The following CIZ1 variants were observed in gnomAD, a reference collection of about 807,000 sequenced individuals.
CIZ1 encodes cip1-interacting zinc finger protein.
In CIZ1, 58 loss-of-function variants were observed where a neutral mutation model predicts 118.6. The observed-to-expected ratio is 0.49, with a 90% CI of 0.40 to 0.61. The LOEUF is 0.61. Ranked by LOEUF, CIZ1 falls within the 20% of genes least tolerant of loss-of-function variation. CIZ1 has a pLI of 0.00. For missense variants in CIZ1, 921 were observed against 1,115.9 expected (o/e 0.83, Z 2.49); for synonymous variants, 448 against 443.4 (o/e 1.01, Z -0.13).
chr9:128,187,731 A>T (rs1203701861), intron 4 of CIZ1, 132 bp downstream of exon 4: 4 of 320,910 alleles, frequency 1.2e-5, no homozygotes, highest in African/African-American at 2.2e-5. Flanking sequence ...TGTTCAACAG[A>T]CAAATATAAA....
At chr9:128,199,573 T>C (rs1489551074) in intron 1 of CIZ1, among the ~76,000 whole-genome samples, 1 of 151,934 alleles carries the variant, frequency 6.6e-6, no homozygotes, top group Non-Finnish European at 1.5e-5. Flanking sequence ...GGCATGGTGG[T>C]GTGCACTTGT....
intron 10 of CIZ1, 141 bp from the exon 11 acceptor site, chr9:128,176,616 G>A: frequency 2.3e-6 from 2 of 866,814 alleles, no homozygotes; most frequent in Non-Finnish European, 3.4e-6. Context: ...GTGTAGGCTA[G>A]AGCAGGCATG....
intron 5 of CIZ1, among the ~76,000 whole-genome samples, chr9:128,181,899 T>G (rs1588199811): frequency 6.6e-6 from 1 of 152,198 alleles, no homozygotes; most frequent in Non-Finnish European, 1.5e-5. Context: ...CCTGTGATGC[T>G]GTGCTTCAGT....
chr9:128,166,782 G>C lies in CIZ1; in HGVS notation c.2464C>G (p.Leu822Val). 1.2e-6 allele frequency: 2 copies of C among 1,614,236 alleles called. No homozygotes were observed. Among genetic ancestry groups the C allele is most frequent in the Non-Finnish European group, 1.7e-6 (2 of 1,180,036 alleles). Residue 822 changes from leucine to valine, a missense_variant, in exon 16 of 17, where the codon CTG becomes GTG. By Grantham distance (32) the Leu-to-Val change is conservative. Transcript: ENST00000372938. The surrounding 1 kb of genome is among the most constrained non-coding windows in gnomAD (Gnocchi z 4.4). ...ACCTGCAGGTTCTCAAAGTGGCCCA[G>C]GGACTTGCAGTGGGAGAGCTGTGCC... ...SGAQLSHCKS[L>V]GHFENLQKYK... is the part of the protein sequence containing the mutation.
chr9:128,167,782 T>TGTTCACCTCCAGCGGCCGC lies in CIZ1; in HGVS notation c.2296-619_2296-618insGCGGCCGCTGGAGGTGAAC. 2 of 154,034 alleles carry TGTTCACCTCCAGCGGCCGC rather than the reference T, an allele frequency of 1.3e-5. 1 individual carries two copies. Among genetic ancestry groups the TGTTCACCTCCAGCGGCCGC allele is most frequent in the Non-Finnish European group, 2.9e-5 (2 of 68,184 alleles). The allele number at this position is 154,034 out of a possible 1,614,324, so 9.5% of individuals were successfully genotyped here. A position where few individuals can be genotyped will look rare whatever the true frequency, so the allele number is the denominator to read the frequency against. The stretch of plus-strand genomic sequence containing the variant: ...AGCCCTAGCAGGCCTAGCAGTGCCC[T>TGTTCACCTCCAGCGGCCGC]CCACCACTCACCAGGCAAACAAATG... On this transcript the variant is annotated intron_variant, in intron 14 of 16. Transcript: ENST00000372938.
rs764459396 is a variant in CIZ1, at chr9:128,179,157, A to G, written c.1050T>C (p.Ser350=). 8 of 1,613,924 alleles carry G rather than the reference A, an allele frequency of 5.0e-6. No individual in the cohort carries two copies. In the South Asian group the frequency reaches 7.7e-5, roughly 16 times the overall value. The change falls in exon 8 of 17, where the codon TCT becomes TCC. Residue 350 remains serine, a synonymous_variant. Transcript: ENST00000372938. ...KLQKQAQTQT[S]PEHLVLQQKQ... ...TCTGTTGCAGCACTAAGTGCTCTGG[A>G]GAGGTCTGTGTTTGCGCCTGCTTCT...
chr9:128,203,866 G>A lies in CIZ1; in HGVS notation c.-6+320C>T, dbSNP rs564336358. 1.5e-4 allele frequency among the ~76,000 whole-genome samples: 23 copies of A among 150,434 alleles called. No homozygotes were observed. In the East Asian group the frequency reaches 2.9e-3, roughly 19 times the overall value. ...GTCAAGCCTCCGGCTACCGAATCAC[G>A]CCCCCTCCTCCGTCCCATCCTTTAG... On this transcript the variant is annotated intron_variant, in intron 1 of 17. Transcript: ENST00000372948. The surrounding 1 kb of genome is among the most constrained non-coding windows in gnomAD (Gnocchi z 5.3).
Position 128,190,801 on chromosome 9 carries a change from C to CTGCTGGAGCTGCTGCTGCTGT in CIZ1, c.36_56dup (p.Gln13_Gln19dup), listed in dbSNP as rs761734002. The CTGCTGGAGCTGCTGCTGCTGT allele has an allele frequency of 6.5e-6, 10 of 1,541,492 alleles. No individual in the cohort carries two copies. The highest frequency in any genetic ancestry group is 2.4e-5 in the South Asian group (2 of 83,872). On this transcript the variant is annotated inframe_insertion, in exon 2 of 17. Coordinates refer to ENST00000372938, the MANE Select transcript of CIZ1 (RefSeq NM_001131016.2). ...GCTGCTGGAGCTGCTGCTGCTGTAA[C>CTGCTGGAGCTGCTGCTGCTGT]TGCTGGAGCTGCTGCTGCTGTTGCT... is the stretch of plus-strand genomic sequence containing the variant.
chr9:128,177,536 C>CCACCCCACCCATAT, intron 10 of CIZ1, 30 bp downstream of exon 10: 1 of 1,121,414 alleles, frequency 8.9e-7, no homozygotes, highest in Non-Finnish European at 1.2e-6. Flanking sequence ...AGGCCCCACC[C>CCACCCCACCCATAT]CTCCCCACCC....
chr9:128,171,571 C>CAA (rs11327796), intron 11 of CIZ1, among the ~76,000 whole-genome samples: 3 of 111,946 alleles, frequency 2.7e-5, no homozygotes, highest in African/African-American at 3.0e-5. Context: ...ACTAAGAATA[C>CAA]AAAAAAAAAA....
At chr9:128,179,671 GTTGT>G (rs947398499) in intron 7 of CIZ1, among the ~76,000 whole-genome samples, 6 of 151,852 alleles carry the variant, frequency 4.0e-5, no homozygotes, top group East Asian at 1.9e-4. Context: ...GTTTTTTGTT[GTTGT>G]TTGTTTGTTT....
chr9:128,198,809 C>T (rs542508100), intron 1 of CIZ1, among the ~76,000 whole-genome samples: 4 of 149,698 alleles, frequency 2.7e-5, no homozygotes, highest in South Asian at 4.3e-4. Flanking sequence ...TCCAGCCTGG[C>T]GACAGAGCGA....
upstream of CIZ1, chr9:128,196,711 C>T (rs1437621418): frequency 6.6e-6 from 1 of 152,206 alleles, no homozygotes; most frequent in Non-Finnish European, 1.5e-5. Flanking sequence ...TCAAGCAATT[C>T]TCCTGCCTCA....
intron 1 of CIZ1, chr9:128,200,076 A>G (rs923493499): frequency 6.6e-6 from 1 of 152,044 alleles, no homozygotes; most frequent in Non-Finnish European, 1.5e-5. Flanking sequence ...GGTGTGGGCC[A>G]CTGCACCTGG....
intron 5 of CIZ1, among the ~76,000 whole-genome samples, chr9:128,184,245 A>C (rs1409359431): frequency 6.6e-6 from 1 of 152,194 alleles, no homozygotes; most frequent in East Asian, 1.9e-4. Flanking sequence ...GGCGGGGCTG[A>C]ATTGAGAGGT....
At position 128,166,120 on chromosome 9, in the gene CIZ1, CAA is replaced by C; in HGVS notation, c.*75_*76del. The stretch of plus-strand genomic sequence containing the variant: ...TTTTGAGTAAAAACATGAACCATGT[CAA>C]AGTTTCCAGGCAGACTCCTAAAAAG... On this transcript the variant is annotated 3_prime_UTR_variant, in exon 17 of 17. Transcript: ENST00000372938. The surrounding 1 kb of genome is among the most constrained non-coding windows in gnomAD (Gnocchi z 4.4). 1 of 1,063,334 alleles carries C rather than the reference CAA, an allele frequency of 9.4e-7. No homozygotes were observed. The highest frequency in any genetic ancestry group is 2.1e-5 in the South Asian group (1 of 47,392). The allele number at this position is 1,063,334 out of a possible 1,614,324, so 65.9% of individuals were successfully genotyped here.
intron 12 of CIZ1, 53 bp downstream of exon 12, chr9:128,169,967 C>T: frequency 1.3e-6 from 2 of 1,514,082 alleles, no homozygotes; most frequent in South Asian, 1.1e-5. Context: ...GTTGTCTGGA[C>T]TCCACTTGCA....
chr9:128,196,807 T>A (rs1262664170), intron 1 of CIZ1: 1 of 152,178 alleles, frequency 6.6e-6, no homozygotes. Flanking sequence ...TTTCACCATG[T>A]TGGCCAGAAT....
At chr9:128,200,665 A>G (rs982647676) in intron 1 of CIZ1, among the ~76,000 whole-genome samples, 2 of 150,342 alleles carry the variant, frequency 1.3e-5, no homozygotes, top group African/African-American at 4.9e-5. Context: ...CTCAAAAAAA[A>G]AAAAAGAAAG....
Sources: gnomAD v4.1 joint callset for allele counts (sites outside exome capture counted in the v4.1 genomes callset) on GRCh38, gnomAD v4.1.1 for gene constraint, Gnocchi (gnomAD v3.1) non-coding constraint, MANE v1.5 for transcripts, NCBI Gene and HGNC (gene_info 2026-07-23, HGNC 2026-07-21) for gene names.